Variants in NXPH1 observed in about 807,000 individuals in gnomAD.
NXPH1 encodes the protein neurexophilin-1.
NXPH1 carries 5 observed loss-of-function variants against 23.7 expected under a neutral mutation model. The observed-to-expected ratio is 0.21, with a 90% CI of 0.11 to 0.44. The LOEUF is 0.44. NXPH1 is among the 20% of genes least tolerant of loss of function. The pLI is 0.99. For missense variants in NXPH1, 324 were observed against 321.6 expected (o/e 1.01, Z -0.06); for synonymous variants, 144 against 122.2 (o/e 1.18, Z -1.18).
At chr7:8,458,535 T>G (rs1000480567) in intron 2 of NXPH1, among the ~76,000 whole-genome samples, 2 of 152,168 alleles carry the variant, frequency 1.3e-5, no homozygotes, top group Non-Finnish European at 2.9e-5. Context: ...AGTGATGAAG[T>G]GACTAATTCA....
intron 2 of NXPH1, among the ~76,000 whole-genome samples, chr7:8,596,326 A>G (rs1819223340): frequency 6.6e-6 from 1 of 152,142 alleles, no homozygotes; most frequent in African/African-American, 2.4e-5. Context: ...AGAGTGCTTC[A>G]GAATTAGAGT....
intron 2 of NXPH1, among the ~76,000 whole-genome samples, chr7:8,470,156 G>C (rs148492371): frequency 6.6e-6 from 1 of 152,082 alleles, no homozygotes; most frequent in African/African-American, 2.4e-5. Flanking sequence ...TCTAGAGTTG[G>C]CCATGGCCCA....
In NXPH1 at chr7:8,751,858, C is replaced by G; in HGVS notation, c.*89C>G. The G allele has an allele frequency of 7.9e-7, 1 of 1,258,564 alleles. No individual in the cohort carries two copies. The highest frequency in any genetic ancestry group is 1.1e-6 in the Non-Finnish European group (1 of 928,162). 78.0% of individuals were successfully genotyped at this position (1,258,564 alleles called of 1,614,324 possible). A position where few individuals can be genotyped will look rare whatever the true frequency, so the allele number is the denominator to read the frequency against. On this transcript the variant is annotated 3_prime_UTR_variant, in exon 3 of 3. Coordinates refer to ENST00000405863, the MANE Select transcript of NXPH1 (RefSeq NM_152745.3). The surrounding 1 kb of genome is among the most constrained non-coding windows in gnomAD (Gnocchi z 4.5). ...TCAAAGAAGAAGGTCACATCTGTTG[C>G]CTGGAATGTGTCTACACTGCTGCTC...
chr7:8,560,723 T>C (rs11974107), intron 2 of NXPH1, among the ~76,000 whole-genome samples: 23,746 of 151,650 alleles, frequency 0.16, 3,233 homozygotes, highest in African/African-American at 0.37. Flanking sequence ...GTAACTTTCC[T>C]GGCAGAGTTG....
At chr7:8,607,226 G>A (rs1819514046) in intron 2 of NXPH1, among the ~76,000 whole-genome samples, 2 of 152,096 alleles carry the variant, frequency 1.3e-5, no homozygotes, top group Non-Finnish European at 2.9e-5. Context: ...AATTAATACA[G>A]TACTTATATA....
intron 2 of NXPH1, among the ~76,000 whole-genome samples, chr7:8,523,180 C>G (rs1563335132): frequency 6.6e-6 from 1 of 152,200 alleles, no homozygotes; most frequent in Non-Finnish European, 1.5e-5. Flanking sequence ...TTTGACTGCA[C>G]TGGACCTGAC....
At chr7:8,437,577 G>C (rs1232199582) in intron 2 of NXPH1, among the ~76,000 whole-genome samples, 1 of 152,168 alleles carries the variant, frequency 6.6e-6, no homozygotes, top group Non-Finnish European at 1.5e-5. Context: ...CAAGTATTTC[G>C]ATAGTCTGGA....
chr7:8,745,719 ATTTTTT>A (rs56019801), intron 2 of NXPH1, among the ~76,000 whole-genome samples: 74 of 111,822 alleles, frequency 6.6e-4, no homozygotes, highest in African/African-American at 1.8e-3. Context: ...CGCCCAGCTA[ATTTTTT>A]TTTTTTTTTT....
intron 2 of NXPH1, among the ~76,000 whole-genome samples, chr7:8,560,973 T>C (rs1818433666): frequency 6.6e-6 from 1 of 151,586 alleles, no homozygotes; most frequent in South Asian, 2.1e-4. Context: ...TCTCCTAGGG[T>C]TTAGGAAACA....
intron 2 of NXPH1, among the ~76,000 whole-genome samples, chr7:8,584,953 T>C (rs1047643163): frequency 6.6e-6 from 1 of 152,228 alleles, no homozygotes; most frequent in Non-Finnish European, 1.5e-5. Flanking sequence ...ACTATCGATA[T>C]CTCTTTCTGT....
intron 2 of NXPH1, among the ~76,000 whole-genome samples, chr7:8,678,254 A>T (rs1389112793): frequency 6.6e-6 from 1 of 152,238 alleles, no homozygotes; most frequent in Admixed American, 6.5e-5. Flanking sequence ...AGGTTATGCC[A>T]GCCGTTAGTC....
At chr7:8,639,694 G>C (rs1820276090) in intron 2 of NXPH1, among the ~76,000 whole-genome samples, 1 of 152,158 alleles carries the variant, frequency 6.6e-6, no homozygotes, top group Admixed American at 6.5e-5. Flanking sequence ...AGGGACCCAG[G>C]GGGAGGTGGT....
chr7:8,499,489 A>G (rs1041897809), intron 2 of NXPH1, among the ~76,000 whole-genome samples: 10 of 152,114 alleles, frequency 6.6e-5, no homozygotes, highest in African/African-American at 2.4e-4. Flanking sequence ...GAAATTAGCA[A>G]GAATGAGACT....
At chr7:8,444,659 GGT>G (rs374165986) in intron 2 of NXPH1, among the ~76,000 whole-genome samples, 2 of 152,070 alleles carry the variant, frequency 1.3e-5, no homozygotes, top group Admixed American at 6.5e-5. Context: ...GGTTAACTGA[GGT>G]GTGTGTGTGT....
At chr7:8,582,549 T>C (rs1818900628) in intron 2 of NXPH1, among the ~76,000 whole-genome samples, 1 of 152,168 alleles carries the variant, frequency 6.6e-6, no homozygotes, top group Non-Finnish European at 1.5e-5. Flanking sequence ...TGGGTAGCTC[T>C]GCAGTGGGTA....
chr7:8,498,072 A>T, intron 2 of NXPH1, among the ~76,000 whole-genome samples: 1 of 152,078 alleles, frequency 6.6e-6, no homozygotes, highest in Non-Finnish European at 1.5e-5. Context: ...GGCTCTGCTT[A>T]TTTTGTGAGA....
chr7:8,665,454 C>T (rs1353149542), intron 2 of NXPH1, among the ~76,000 whole-genome samples: 1 of 151,788 alleles, frequency 6.6e-6, no homozygotes, highest in Non-Finnish European at 1.5e-5. Context: ...AGTGTGATGC[C>T]TTTAGCTTTG....
intron 2 of NXPH1, among the ~76,000 whole-genome samples, chr7:8,491,811 C>T (rs770648945): frequency 2.6e-5 from 4 of 152,066 alleles, no homozygotes; most frequent in Non-Finnish European, 5.9e-5. Flanking sequence ...TGATCACATT[C>T]AGCATGCCAA....
intron 2 of NXPH1, among the ~76,000 whole-genome samples, chr7:8,551,687 G>A: frequency 6.6e-6 from 1 of 151,316 alleles, no homozygotes; most frequent in East Asian, 2.0e-4. Flanking sequence ...ATAAGATTTA[G>A]GAATATGTTT....
Sources: gnomAD v4.1 joint callset for allele counts (sites outside exome capture counted in the v4.1 genomes callset) on GRCh38, gnomAD v4.1.1 for gene constraint, Gnocchi (gnomAD v3.1) non-coding constraint, MANE v1.5 for transcripts, NCBI Gene and HGNC (gene_info 2026-07-23, HGNC 2026-07-21) for gene names.